CDK6: variants seen among roughly 807,000 people sequenced by gnomAD.
The protein encoded by CDK6 is cyclin dependent kinase 6, also known as cyclin-dependent kinase 6.
CDK6 carries 6 observed loss-of-function variants against 37.1 expected under a neutral mutation model. The observed-to-expected ratio is 0.16, with a 90% CI of 0.09 to 0.32. The LOEUF is 0.32. Ranked by LOEUF, CDK6 falls within the 10% of genes least tolerant of loss-of-function variation. CDK6 has a pLI of 1.00. For synonymous variants in CDK6, 160 were observed against 161.3 expected, an observed-to-expected ratio of 0.99 and a Z score of 0.06; for missense variants, 224 against 418.9, an observed-to-expected ratio of 0.53 and a Z score of 4.06.
In CDK6 at chr7:92,729,434, A is replaced by C. The variant is rs561998107; in HGVS notation, c.370-3641T>G. Among the ~76,000 whole-genome samples, 4 of 152,348 alleles carry C rather than the reference A, an allele frequency of 2.6e-5. No individual in the cohort carries two copies. In the East Asian group the frequency reaches 7.7e-4, roughly 29 times the overall value. ...ATAAAAAGTTTGAACATTTAGTCAT[A>C]CTTATGATAAACAGTCACTTGGGAC... On this transcript the variant is annotated intron_variant, in intron 3 of 7. Transcript: ENST00000424848.
chr7:92,827,811 A>G (rs1318816432), intron 2 of CDK6, among the ~76,000 whole-genome samples: 1 of 152,144 alleles, frequency 6.6e-6, no homozygotes, highest in African/African-American at 2.4e-5. Flanking sequence ...CTCACAATTA[A>G]TTTACTTCCT....
intron 5 of CDK6, among the ~76,000 whole-genome samples, chr7:92,625,305 T>G (rs1795901375): frequency 6.6e-6 from 1 of 151,786 alleles, no homozygotes; most frequent in Non-Finnish European, 1.5e-5. Flanking sequence ...ATGTAAAGTA[T>G]TTCACACAGT....
intron 2 of CDK6, 74 bp from the exon 3 acceptor site, chr7:92,774,905 C>T (rs2115787454): frequency 7.0e-7 from 1 of 1,418,916 alleles, no homozygotes; most frequent in Non-Finnish European, 9.5e-7. Context: ...ATACATATCG[C>T]TCAATTTGGT....
chr7:92,684,122 A>G (rs1051630191), intron 4 of CDK6, among the ~76,000 whole-genome samples: 1 of 151,928 alleles, frequency 6.6e-6, no homozygotes, highest in African/African-American at 2.4e-5. Context: ...TAATGGTGTG[A>G]GGCGAGTATC....
chr7:92,789,871 G>T (rs1292554587), intron 2 of CDK6, among the ~76,000 whole-genome samples: 7 of 152,248 alleles, frequency 4.6e-5, no homozygotes, highest in African/African-American at 1.4e-4. Context: ...GCAGAACCAA[G>T]ATTTAAATTA....
intron 5 of CDK6, among the ~76,000 whole-genome samples, chr7:92,658,569 A>C (rs1423082412): frequency 1.4e-5 from 2 of 147,170 alleles, no homozygotes; most frequent in Non-Finnish European, 3.0e-5. Flanking sequence ...AGCATTTATA[A>C]ACTCTCTCTC....
chr7:92,630,247 A>G, intron 5 of CDK6, among the ~76,000 whole-genome samples: 1 of 151,684 alleles, frequency 6.6e-6, no homozygotes, highest in Non-Finnish European at 1.5e-5. Flanking sequence ...TTCATTTTAT[A>G]TACTTTTTGA....
intron 5 of CDK6, among the ~76,000 whole-genome samples, chr7:92,652,557 C>G (rs560573116): frequency 6.6e-6 from 1 of 152,242 alleles, no homozygotes; most frequent in South Asian, 2.1e-4. Flanking sequence ...GGGGGAATTT[C>G]TGAGGTCCAA....
intron 4 of CDK6, among the ~76,000 whole-genome samples, chr7:92,682,515 A>G (rs952407892): frequency 1.3e-5 from 2 of 152,172 alleles, no homozygotes; most frequent in African/African-American, 4.8e-5. Flanking sequence ...TTGCATCTCA[A>G]TCATTGTATC....
chr7:92,700,167 T>C (rs889065633), intron 4 of CDK6, among the ~76,000 whole-genome samples: 4 of 152,164 alleles, frequency 2.6e-5, no homozygotes, highest in Admixed American at 2.6e-4. Flanking sequence ...AGTATGAAAC[T>C]GCATGGACCA....
intron 1 of CDK6, among the ~76,000 whole-genome samples, chr7:92,836,276 A>C (rs1801670706): frequency 6.6e-6 from 1 of 151,462 alleles, no homozygotes. Flanking sequence ...TAGCTCCCCA[A>C]AACTGGCCCC....
In CDK6 at chr7:92,642,998, G is replaced by A. The variant is rs537167994; in HGVS notation, c.648-19912C>T. Among the ~76,000 whole-genome samples, 8 of 151,872 alleles carry A rather than the reference G, an allele frequency of 5.3e-5. 1 individual carries two copies. The South Asian group carries it at 1.5e-3, about 28-fold the overall frequency. ...CAGCCTTGACCTCCTGAGCTCAGGT[G>A]ATCCTCCCACTTCAGCCTCCAAGGT... On this transcript the variant is annotated intron_variant, in intron 5 of 7. Transcript: ENST00000424848.
intron 4 of CDK6, among the ~76,000 whole-genome samples, chr7:92,715,463 C>T (rs1171422764): frequency 6.6e-6 from 1 of 152,116 alleles, no homozygotes; most frequent in African/African-American, 2.4e-5. Flanking sequence ...GTAGATTATT[C>T]CTCCACAGCC....
At chr7:92,742,784 T>C (rs1406410586) in intron 3 of CDK6, among the ~76,000 whole-genome samples, 2 of 152,002 alleles carry the variant, frequency 1.3e-5, no homozygotes, top group African/African-American at 4.8e-5. Flanking sequence ...TTTTGGAAGA[T>C]AAAATGCATG....
intron 2 of CDK6, among the ~76,000 whole-genome samples, chr7:92,779,081 C>G (rs1385464579): frequency 1.3e-5 from 2 of 152,010 alleles, no homozygotes; most frequent in African/African-American, 2.4e-5. Context: ...TACCTAACAA[C>G]CCTGGCAGTA....
Position 92,612,078 on chromosome 7 carries a change from A to G in CDK6, c.*3062T>C. On this transcript the variant is annotated 3_prime_UTR_variant, in exon 8 of 8. Transcript: ENST00000424848. ...ATTACCCTTTGCCATGGGATTTCTT[A>G]TGAAAGCTAAATGGACAAGTTTCTC... is the stretch of plus-strand genomic sequence containing the variant. 1 of 232,944 alleles carries G rather than the reference A, an allele frequency of 4.3e-6. No individual in the cohort carries two copies. The highest frequency in any genetic ancestry group is 8.5e-6 in the Non-Finnish European group (1 of 117,818). The allele number at this position is 232,944 out of a possible 1,614,324, so 14.4% of individuals were successfully genotyped here. A position where few individuals can be genotyped will look rare whatever the true frequency, so the allele number is the denominator to read the frequency against.
chr7:92,805,981 A>T (rs1207264112), intron 2 of CDK6, among the ~76,000 whole-genome samples: 1 of 152,180 alleles, frequency 6.6e-6, no homozygotes, highest in Non-Finnish European at 1.5e-5. Flanking sequence ...GGGATGATGA[A>T]AAAGTTCTGG....
At chr7:92,805,132 T>C (rs1800691491) in intron 2 of CDK6, among the ~76,000 whole-genome samples, 1 of 152,216 alleles carries the variant, frequency 6.6e-6, no homozygotes, top group African/African-American at 2.4e-5. Flanking sequence ...CCACATAGCC[T>C]ATGCCCTTAA....
intron 4 of CDK6, among the ~76,000 whole-genome samples, chr7:92,724,820 A>G (rs1164463384): frequency 2.0e-5 from 3 of 152,086 alleles, no homozygotes; most frequent in Non-Finnish European, 2.9e-5. Flanking sequence ...TATTTAATTT[A>G]CTGTACGTAA....
Sources: gnomAD v4.1 joint callset for allele counts (sites outside exome capture counted in the v4.1 genomes callset) on GRCh38, gnomAD v4.1.1 for gene constraint, MANE v1.5 for transcripts, NCBI Gene and HGNC (gene_info 2026-07-23, HGNC 2026-07-21) for gene names.